NBAS: variants seen among roughly 807,000 people sequenced by gnomAD.
NBAS encodes NBAS subunit of NRZ tethering complex.
NBAS carries 219 observed loss-of-function variants against 302.5 expected under a neutral mutation model. The ratio of observed to expected loss-of-function variants is 0.72; its 90% confidence interval spans 0.65 to 0.81. NBAS has a LOEUF of 0.81. Among genes scored for constraint, NBAS ranks in the 30% least tolerant of loss-of-function variants. The pLI is 0.00. For missense variants in NBAS, 2,932 were observed against 2,841.6 expected, an observed-to-expected ratio of 1.03 and a Z score of -0.72; for synonymous variants, 1,118 against 1,021.6, an observed-to-expected ratio of 1.09 and a Z score of -1.80.
intron 9 of NBAS, among the ~76,000 whole-genome samples, chr2:15,523,937 A>G (rs1344015020): frequency 6.6e-6 from 1 of 152,146 alleles, no homozygotes; most frequent in Non-Finnish European, 1.5e-5. Context: ...AAATAAACAA[A>G]CAAACAAACT....
At chr2:15,071,564 C>T in the NBAS span, among the ~76,000 whole-genome samples, 1 of 147,488 alleles carries the variant, frequency 6.8e-6, no homozygotes, top group Admixed American at 6.9e-5. Flanking sequence ...GCGGAGGTTG[C>T]AGTGAGCTGA....
intron 21 of NBAS, among the ~76,000 whole-genome samples, chr2:15,439,328 A>C (rs1183844118): frequency 2.0e-5 from 3 of 151,618 alleles, no homozygotes. Flanking sequence ...AAAAAAAAGA[A>C]TATTACCCCA....
the NBAS span, among the ~76,000 whole-genome samples, chr2:15,150,194 A>T: frequency 6.6e-6 from 1 of 152,122 alleles, no homozygotes; most frequent in South Asian, 2.1e-4. Flanking sequence ...TGAATGTGTT[A>T]TTAATATGTG....
At chr2:15,555,874 C>T (rs1375155122) in intron 3 of NBAS, among the ~76,000 whole-genome samples, 3 of 152,220 alleles carry the variant, frequency 2.0e-5, no homozygotes, top group South Asian at 2.1e-4. Context: ...CAAGCAGCAA[C>T]CTGAACAAGA....
intron 21 of NBAS, among the ~76,000 whole-genome samples, chr2:15,451,198 G>T (rs1291715154): frequency 1.3e-5 from 2 of 152,088 alleles, no homozygotes; most frequent in Non-Finnish European, 2.9e-5. Flanking sequence ...CTACAGAAGT[G>T]TGCCACCATG....
intron 38 of NBAS, among the ~76,000 whole-genome samples, chr2:15,317,837 C>A (rs940246920): frequency 5.9e-5 from 9 of 152,144 alleles, no homozygotes; most frequent in Non-Finnish European, 1.2e-4. Flanking sequence ...GGATATGATC[C>A]AGGAGAACTT....
chr2:15,013,238 A>G, the NBAS span, among the ~76,000 whole-genome samples: 1 of 152,228 alleles, frequency 6.6e-6, no homozygotes, highest in Admixed American at 6.5e-5. Flanking sequence ...TGAAAAGATG[A>G]TAACCACCAT....
At chr2:15,327,094 T>C (rs906583789) in intron 38 of NBAS, among the ~76,000 whole-genome samples, 1 of 152,122 alleles carries the variant, frequency 6.6e-6, no homozygotes, top group Non-Finnish European at 1.5e-5. Context: ...AAGCTGTGGA[T>C]AGGACTTTCA....
chr2:15,012,310 A>C, the NBAS span, among the ~76,000 whole-genome samples: 10 of 152,112 alleles, frequency 6.6e-5, no homozygotes, highest in African/African-American at 1.9e-4. Context: ...AGACTATACC[A>C]AGCAAAAGAA....
At position 15,377,105 on chromosome 2, in the gene NBAS, G is replaced by T. The variant is rs150185193; in HGVS notation, c.3591-2385C>A. 2.0e-3 allele frequency among the ~76,000 whole-genome samples: 303 copies of T among 152,176 alleles called. 5 individuals carry two copies. The highest frequency in any genetic ancestry group is 7.2e-3 in the African/African-American group (298 of 41,532). ...AAAAATTCTGAATAGCAATTGGAAAGATAAATCATATATAATGAAAACTTG... is the reference window on the plus strand; with the variant it reads ...AAAAATTCTGAATAGCAATTGGAAATATAAATCATATATAATGAAAACTTG... On this transcript the variant is annotated intron_variant, in intron 30 of 51. Coordinates refer to ENST00000281513, the MANE Select transcript of NBAS (RefSeq NM_015909.4).
At position 15,346,477 on chromosome 2, in the gene NBAS, C is replaced by T. The variant is rs537365418; in HGVS notation, c.4179+5515G>A. Among the ~76,000 whole-genome samples, 17 of 152,044 alleles carry T rather than the reference C, an allele frequency of 1.1e-4. 1 individual carries two copies. The highest frequency in any genetic ancestry group is 3.9e-4 in the African/African-American group (16 of 41,484). ...TACCATCTCACGCCAGTTAGAATAG[C>T]GATTATTTTAAAAGTCAAGAAACAA... On this transcript the variant is annotated intron_variant, in intron 35 of 51. Coordinates refer to ENST00000281513, the MANE Select transcript of NBAS (RefSeq NM_015909.4).
At chr2:14,917,999 C>T in the NBAS span, among the ~76,000 whole-genome samples, 2 of 152,022 alleles carry the variant, frequency 1.3e-5, no homozygotes, top group East Asian at 1.9e-4. Context: ...CAGTGGGACC[C>T]CTGGTTTTTA....
At chr2:15,430,796 G>A (rs1309121952) in intron 21 of NBAS, among the ~76,000 whole-genome samples, 1 of 151,950 alleles carries the variant, frequency 6.6e-6, no homozygotes, top group African/African-American at 2.4e-5. Context: ...GTACACAGCA[G>A]GTAGAGGGCA....
the NBAS span, among the ~76,000 whole-genome samples, chr2:14,829,276 T>C: frequency 6.6e-6 from 1 of 152,278 alleles, no homozygotes; most frequent in Admixed American, 6.5e-5. Context: ...GAAACACCTA[T>C]CTGTTCCTGC....
chr2:15,397,044 G>C (rs747532700), intron 26 of NBAS, among the ~76,000 whole-genome samples: 2 of 152,244 alleles, frequency 1.3e-5, no homozygotes, highest in African/African-American at 4.8e-5. Flanking sequence ...CTAGTAGGGA[G>C]TGAAGGTGAA....
chr2:15,548,262 A>G (rs1485787435), intron 6 of NBAS, among the ~76,000 whole-genome samples: 1 of 152,224 alleles, frequency 6.6e-6, no homozygotes, highest in Non-Finnish European at 1.5e-5. Context: ...AGCACGAAAA[A>G]AAAAAGTTAT....
At chr2:14,976,469 C>G in the NBAS span, among the ~76,000 whole-genome samples, 1 of 152,172 alleles carries the variant, frequency 6.6e-6, no homozygotes. Flanking sequence ...GTAGATGGAG[C>G]TCATTGAACA....
intron 48 of NBAS, among the ~76,000 whole-genome samples, chr2:15,199,630 T>A (rs1665785052): frequency 6.6e-6 from 1 of 152,186 alleles, no homozygotes; most frequent in Non-Finnish European, 1.5e-5. Context: ...ATTTGATTAA[T>A]ACATGGCTTT....
At chr2:14,966,704 A>G in the NBAS span, among the ~76,000 whole-genome samples, 165 of 152,328 alleles carry the variant, frequency 1.1e-3, no homozygotes, top group Admixed American at 5.7e-3. Flanking sequence ...CAAGTAATAT[A>G]TAATGACTAC....
Sources: gnomAD v4.1 joint callset for allele counts (sites outside exome capture counted in the v4.1 genomes callset) on GRCh38, gnomAD v4.1.1 for gene constraint, MANE v1.5 for transcripts, NCBI Gene and HGNC (gene_info 2026-07-23, HGNC 2026-07-21) for gene names.